The following FHOD3 variants were observed in gnomAD, a reference collection of about 807,000 sequenced individuals.
FHOD3 encodes the protein FH1/FH2 domain-containing protein 3.
Under a neutral mutation model 173.0 loss-of-function variants are expected in FHOD3, and 90 were observed. The ratio of observed to expected loss-of-function variants is 0.52; its 90% CI spans 0.44 to 0.62. The LOEUF is 0.62. Ranked by LOEUF, FHOD3 falls within the 20% of genes least tolerant of loss-of-function variation. FHOD3 has a pLI of 0.00. For missense variants in FHOD3, 1,945 were observed against 2,034.7 expected (o/e 0.96, Z 0.85); for synonymous variants, 828 against 823.0 (o/e 1.01, Z -0.10).
intron 5 of FHOD3, among the ~76,000 whole-genome samples, chr18:36,569,176 A>G (rs2058372269): frequency 6.6e-6 from 1 of 152,216 alleles, no homozygotes; most frequent in Admixed American, 6.5e-5. Flanking sequence ...ACAGTAATTA[A>G]AAGACAGACA....
intron 1 of FHOD3, among the ~76,000 whole-genome samples, chr18:36,348,495 G>C (rs2045970118): frequency 6.6e-6 from 1 of 152,150 alleles, no homozygotes; most frequent in Non-Finnish European, 1.5e-5. Flanking sequence ...TGTGCTTAAG[G>C]TTGCTATCTT....
chr18:36,436,810 C>T (rs1217738415), intron 3 of FHOD3, among the ~76,000 whole-genome samples: 1 of 152,194 alleles, frequency 6.6e-6, no homozygotes, highest in African/African-American at 2.4e-5. Context: ...GATAATATAG[C>T]ATTTGCTTTC....
intron 3 of FHOD3, among the ~76,000 whole-genome samples, chr18:36,470,368 A>G (rs1209960975): frequency 6.6e-6 from 1 of 152,196 alleles, no homozygotes; most frequent in Non-Finnish European, 1.5e-5. Flanking sequence ...AAGGAACTGG[A>G]TTAGCTCAGA....
chr18:36,626,966 G>A (rs1284123245), intron 10 of FHOD3, among the ~76,000 whole-genome samples: 3 of 152,146 alleles, frequency 2.0e-5, no homozygotes, highest in African/African-American at 7.2e-5. Context: ...GTGCAACCAT[G>A]GTCTATGTTG....
chr18:36,730,275 A>G (rs928277569), intron 19 of FHOD3, among the ~76,000 whole-genome samples: 4 of 152,252 alleles, frequency 2.6e-5, no homozygotes, highest in African/African-American at 9.6e-5. Flanking sequence ...ATGAAGGCCA[A>G]CCAAGACATT....
intron 10 of FHOD3, among the ~76,000 whole-genome samples, chr18:36,627,219 G>A (rs1349085666): frequency 6.6e-6 from 1 of 152,180 alleles, no homozygotes; most frequent in Non-Finnish European, 1.5e-5. Flanking sequence ...TTAACATGAA[G>A]AGAATTGAGG....
intron 8 of FHOD3, among the ~76,000 whole-genome samples, chr18:36,611,358 C>A (rs932760330): frequency 1.3e-5 from 2 of 152,184 alleles, no homozygotes; most frequent in Non-Finnish European, 2.9e-5. Context: ...CTTAGTAGGT[C>A]CTCTGCCCAG....
chr18:36,497,370 G>GT (rs962263634), intron 3 of FHOD3, among the ~76,000 whole-genome samples: 5 of 152,208 alleles, frequency 3.3e-5, no homozygotes, highest in Admixed American at 3.3e-4. Flanking sequence ...GAGGTCTTTG[G>GT]TTCTAGTGCC....
At chr18:36,729,239 A>C (rs966497285) in intron 19 of FHOD3, among the ~76,000 whole-genome samples, 98 of 152,320 alleles carry the variant, frequency 6.4e-4, no homozygotes, top group Non-Finnish European at 1.2e-3. Context: ...ATGAGTCAAA[A>C]TAGCCATCCT....
At chr18:36,564,223 C>T (rs2058188096) in intron 5 of FHOD3, among the ~76,000 whole-genome samples, 1 of 152,162 alleles carries the variant, frequency 6.6e-6, no homozygotes, top group Non-Finnish European at 1.5e-5. Flanking sequence ...TGTGCTTCCA[C>T]TGGTATTTCA....
rs546419726 is a variant in FHOD3, at chr18:36,369,968, C to G, written c.273-2712C>G. ...CACCAGCCCTGTATGCAAGTTACAC[C>G]ATTTCTACAAGCTTTGTTTTCCTCA... On this transcript the variant is annotated intron_variant, in intron 2 of 28. Transcript: ENST00000590592. Among the ~76,000 whole-genome samples the G allele has an allele frequency of 2.0e-5, 3 of 152,258 alleles. No homozygotes were observed. The South Asian group carries it at 6.2e-4, about 32-fold the overall frequency.
intron 6 of FHOD3, among the ~76,000 whole-genome samples, chr18:36,591,704 T>A (rs141196208): frequency 8.2e-4 from 123 of 150,908 alleles, no homozygotes; most frequent in African/African-American, 2.9e-3. Flanking sequence ...GTTTGCTGGA[T>A]CCCAGGAGTT....
intron 8 of FHOD3, among the ~76,000 whole-genome samples, chr18:36,611,286 G>A (rs1219369450): frequency 6.6e-6 from 1 of 152,198 alleles, no homozygotes; most frequent in African/African-American, 2.4e-5. Context: ...AAACTTAGCA[G>A]CTTCAGACAA....
At chr18:36,541,613 A>T (rs1319558027) in intron 5 of FHOD3, among the ~76,000 whole-genome samples, 1 of 152,186 alleles carries the variant, frequency 6.6e-6, no homozygotes, top group Non-Finnish European at 1.5e-5. Context: ...CAAGATATAA[A>T]TGTATGTGTT....
chr18:36,669,010 A>G (rs1260739773), intron 14 of FHOD3, among the ~76,000 whole-genome samples: 3 of 152,000 alleles, frequency 2.0e-5, no homozygotes, highest in African/African-American at 7.2e-5. Flanking sequence ...GTATTGTTCT[A>G]GTATTCCGTA....
intron 3 of FHOD3, among the ~76,000 whole-genome samples, chr18:36,430,007 C>A (rs1470826144): frequency 6.6e-6 from 1 of 152,114 alleles, no homozygotes; most frequent in East Asian, 1.9e-4. Flanking sequence ...CAAACCTCTG[C>A]GCTTCTCTCC....
intron 3 of FHOD3, among the ~76,000 whole-genome samples, chr18:36,452,255 A>G (rs536633624): frequency 9.9e-5 from 15 of 152,252 alleles, no homozygotes; most frequent in Non-Finnish European, 1.9e-4. Flanking sequence ...GGACTGTAGA[A>G]TCTAACAGTA....
At chr18:36,303,024 C>G (rs7231500) in intron 1 of FHOD3, among the ~76,000 whole-genome samples, 1 of 152,192 alleles carries the variant, frequency 6.6e-6, no homozygotes, top group Non-Finnish European at 1.5e-5. Context: ...GTCATGGCCT[C>G]TTGCAACGAT....
intron 1 of FHOD3, among the ~76,000 whole-genome samples, chr18:36,345,025 G>A (rs2045814516): frequency 6.6e-6 from 1 of 152,132 alleles, no homozygotes; most frequent in South Asian, 2.1e-4. Flanking sequence ...GAATGAAAAG[G>A]AAAAATAGAA....
Sources: allele counts gnomAD v4.1 joint callset (sites outside exome capture counted in the v4.1 genomes callset), GRCh38; gene constraint gnomAD v4.1.1; transcripts MANE v1.5; gene names NCBI Gene and HGNC (gene_info 2026-07-23, HGNC 2026-07-21).